Variants in SYT1 observed in about 807,000 individuals in gnomAD.
SYT1 encodes the protein synaptotagmin-1.
SYT1 carries 8 observed loss-of-function variants against 44.8 expected under a neutral mutation model. That is an observed-to-expected ratio of 0.18 (90% confidence interval 0.10 to 0.32). SYT1 has a LOEUF of 0.32. Among genes scored for constraint, SYT1 ranks in the 10% least tolerant of loss-of-function variants. SYT1 has a pLI of 1.00. For synonymous variants in SYT1, 154 were observed against 188.8 expected (o/e 0.82, Z 1.51); for missense variants, 286 against 509.3 (o/e 0.56, Z 4.22).
chr12:79,153,123 C>A (rs1565829136), intron 3 of SYT1, among the ~76,000 whole-genome samples: 2 of 152,024 alleles, frequency 1.3e-5, no homozygotes, highest in Non-Finnish European at 2.9e-5. Flanking sequence ...CAAAAGGAAC[C>A]CTCACTGGGA....
At chr12:78,918,723 G>A (rs1032374448) in intron 1 of SYT1, among the ~76,000 whole-genome samples, 9 of 152,036 alleles carry the variant, frequency 5.9e-5, no homozygotes, top group Non-Finnish European at 7.4e-5. Flanking sequence ...AACATTCCTC[G>A]TAGAGTGACT....
chr12:78,959,884 T>A (rs1299769435), intron 1 of SYT1, among the ~76,000 whole-genome samples: 1 of 152,144 alleles, frequency 6.6e-6, no homozygotes, highest in Non-Finnish European at 1.5e-5. Flanking sequence ...ATGAAGCAAT[T>A]TTGTTTCTGA....
At chr12:79,018,070 A>G (rs1871925695) in intron 2 of SYT1, among the ~76,000 whole-genome samples, 1 of 147,134 alleles carries the variant, frequency 6.8e-6, no homozygotes, top group Non-Finnish European at 1.5e-5. Context: ...CACTGTTCAC[A>G]ATAGCAAAGA....
intron 2 of SYT1, among the ~76,000 whole-genome samples, chr12:79,024,156 C>A (rs1224507055): frequency 6.6e-6 from 1 of 151,694 alleles, no homozygotes; most frequent in African/African-American, 2.4e-5. Flanking sequence ...GAGTGTCTAG[C>A]AATGATTCTA....
At chr12:79,377,977 C>T (rs1884069379) in intron 9 of SYT1, among the ~76,000 whole-genome samples, 1 of 152,248 alleles carries the variant, frequency 6.6e-6, no homozygotes, top group Middle Eastern at 3.4e-3. Flanking sequence ...ATTATCTCAA[C>T]CATGACAAAT....
At chr12:78,969,681 GA>G (rs777726315) in intron 1 of SYT1, among the ~76,000 whole-genome samples, 21 of 152,134 alleles carry the variant, frequency 1.4e-4, no homozygotes, top group Non-Finnish European at 2.8e-4. Flanking sequence ...AGTGTGGTGA[GA>G]TGAAGTAGGA....
At chr12:78,922,305 T>C (rs1412246951) in intron 1 of SYT1, among the ~76,000 whole-genome samples, 5 of 151,904 alleles carry the variant, frequency 3.3e-5, no homozygotes, top group African/African-American at 1.2e-4. Context: ...GTGTAACTAA[T>C]AGAGTCAAGA....
intron 1 of SYT1, among the ~76,000 whole-genome samples, chr12:78,885,195 G>A (rs7955391): frequency 6.6e-6 from 1 of 151,028 alleles, no homozygotes. Flanking sequence ...TTACCTTTCA[G>A]TGGGGGCAGA....
chr12:79,071,546 A>G (rs1445847322), intron 3 of SYT1, among the ~76,000 whole-genome samples: 1 of 152,218 alleles, frequency 6.6e-6, no homozygotes, highest in African/African-American at 2.4e-5. Flanking sequence ...CAAACCACCA[A>G]TTTGCATAAC....
intron 6 of SYT1, among the ~76,000 whole-genome samples, chr12:79,294,489 C>A (rs1258993989): frequency 6.6e-6 from 1 of 152,042 alleles, no homozygotes; most frequent in African/African-American, 2.4e-5. Flanking sequence ...CTAATTAAGA[C>A]GCTTTCATGG....
chr12:78,982,373 T>G (rs1176812113), intron 2 of SYT1, among the ~76,000 whole-genome samples: 10 of 152,150 alleles, frequency 6.6e-5, no homozygotes. Flanking sequence ...GTTTCTAAAA[T>G]CCCTTTTAAC....
intron 1 of SYT1, among the ~76,000 whole-genome samples, chr12:78,888,844 G>T (rs1334218001): frequency 6.6e-6 from 1 of 151,850 alleles, no homozygotes; most frequent in Non-Finnish European, 1.5e-5. Flanking sequence ...GGAGCGCAAG[G>T]TTCTTTAAGG....
intron 9 of SYT1, among the ~76,000 whole-genome samples, chr12:79,385,028 C>G (rs1884380505): frequency 7.2e-6 from 1 of 138,832 alleles, no homozygotes; most frequent in Non-Finnish European, 1.5e-5. Flanking sequence ...ACTCTGTCAC[C>G]CAGGCTGGAG....
chr12:78,901,763 T>A (rs1050965208), intron 1 of SYT1, among the ~76,000 whole-genome samples: 6 of 152,134 alleles, frequency 3.9e-5, no homozygotes, highest in African/African-American at 1.4e-4. Context: ...TTCACAGTAG[T>A]CATGTGATCA....
chr12:78,950,582 T>C (rs1878911599), intron 1 of SYT1, among the ~76,000 whole-genome samples: 2 of 152,134 alleles, frequency 1.3e-5, no homozygotes, highest in South Asian at 4.1e-4. Context: ...TCAAAGAAGT[T>C]GAAAAGTTTG....
intron 3 of SYT1, among the ~76,000 whole-genome samples, chr12:79,117,189 C>T (rs1247117011): frequency 6.6e-6 from 1 of 152,122 alleles, no homozygotes; most frequent in Non-Finnish European, 1.5e-5. Flanking sequence ...TCCTTCTTCA[C>T]TCAGTTTTAC....
intron 3 of SYT1, among the ~76,000 whole-genome samples, chr12:79,156,474 G>A (rs933276099): frequency 6.6e-6 from 1 of 151,530 alleles, no homozygotes; most frequent in Non-Finnish European, 1.5e-5. Context: ...TGTTGTTCTT[G>A]TTGTTGTTGT....
chr12:79,371,562 G>A (rs1883790994), intron 9 of SYT1, among the ~76,000 whole-genome samples: 1 of 152,142 alleles, frequency 6.6e-6, no homozygotes, highest in Admixed American at 6.6e-5. Context: ...ATTTCTGCTG[G>A]AAAATAATGT....
chr12:79,349,210 G>A (rs1463801673), intron 8 of SYT1, among the ~76,000 whole-genome samples: 1 of 151,374 alleles, frequency 6.6e-6, no homozygotes, highest in Non-Finnish European at 1.5e-5. Flanking sequence ...AGGAAGGAAC[G>A]ATGGAAGGAA....
Sources: gnomAD v4.1 joint callset for allele counts (sites outside exome capture counted in the v4.1 genomes callset) on GRCh38, gnomAD v4.1.1 for gene constraint, MANE v1.5 for transcripts, NCBI Gene and HGNC (gene_info 2026-07-23, HGNC 2026-07-21) for gene names.